Variants in NPHP4 observed in about 807,000 individuals in gnomAD.
The protein encoded by NPHP4 is nephrocystin 4.
NPHP4 carries 151 observed loss-of-function variants against 155.8 expected under a neutral mutation model. The ratio of observed to expected loss-of-function variants is 0.97; its 90% CI spans 0.85 to 1.11. The LOEUF is 1.11. NPHP4 is among the 50% of genes least tolerant of loss of function. The pLI, the probability that NPHP4 is intolerant of heterozygous loss-of-function variation, is 0.00. For missense variants in NPHP4, 1,956 were observed against 1,925.7 expected (o/e 1.02, Z -0.29); for synonymous variants, 845 against 816.8 (o/e 1.03, Z -0.59).
chr1:5,987,807 A>C (rs151022426), intron 1 of NPHP4, among the ~76,000 whole-genome samples: 1 of 152,346 alleles, frequency 6.6e-6, no homozygotes, highest in African/African-American at 2.4e-5. Flanking sequence ...AGAATGACTG[A>C]GAGACAAACA....
rs1007016642 is a variant in NPHP4, at chr1:5,874,585, G to A, written c.3117C>T (p.Asp1039=). The change falls in exon 22 of 30, where the codon GAC becomes GAT. Residue 1039 remains aspartate (D), a synonymous_variant. Coordinates refer to ENST00000378156, the MANE Select transcript of NPHP4 (RefSeq NM_015102.5). ...AAGLHTPVEE[D]MFHLRGSLAP... Reference sequence around the variant, plus strand: ...CCAGGCTGCCACGCAGGTGGAACATGTCCTCCTCCACCGGTGTGTGCAGGC... The same window carrying A: ...CCAGGCTGCCACGCAGGTGGAACATATCCTCCTCCACCGGTGTGTGCAGGC... 3 of 1,610,986 alleles carry A rather than the reference G, an allele frequency of 1.9e-6. No homozygotes were observed.
chr1:5,903,791 C>T (rs750496346), intron 16 of NPHP4, among the ~76,000 whole-genome samples: 4 of 152,138 alleles, frequency 2.6e-5, no homozygotes, highest in Non-Finnish European at 4.4e-5. Context: ...AGCTAACAAA[C>T]AAGGGAGGTG....
chr1:5,868,743 CCA>C (rs753296676), intron 23 of NPHP4, among the ~76,000 whole-genome samples: 3 of 99,744 alleles, frequency 3.0e-5, no homozygotes, highest in South Asian at 2.9e-4. Flanking sequence ...ATGCATGCAC[CCA>C]CACATGTACA....
intron 3 of NPHP4, 141 bp from the exon 4 acceptor site, chr1:5,969,400 C>T (rs1652151911): frequency 2.1e-6 from 1 of 472,052 alleles, no homozygotes; most frequent in Non-Finnish European, 3.7e-6. Context: ...ATGTGGTGTA[C>T]CACATCTCTG....
intron 11 of NPHP4, among the ~76,000 whole-genome samples, chr1:5,915,289 G>C (rs1645415410): frequency 6.6e-6 from 1 of 152,186 alleles, no homozygotes; most frequent in African/African-American, 2.4e-5. Flanking sequence ...AAAGGCAGGG[G>C]AAAGGAAGGA....
chr1:5,963,256 G>A (rs868625542), intron 5 of NPHP4, among the ~76,000 whole-genome samples: 18 of 152,108 alleles, frequency 1.2e-4, no homozygotes, highest in Middle Eastern at 3.2e-3. Context: ...TTACCCAGGC[G>A]TGGTGGTGCA....
chr1:5,925,098 A>C (rs1645928895), intron 11 of NPHP4, among the ~76,000 whole-genome samples: 2 of 152,348 alleles, frequency 1.3e-5, no homozygotes, highest in Non-Finnish European at 2.9e-5. Context: ...TTACTACTGT[A>C]CTTCTAAGTA....
At chr1:5,915,004 G>A (rs1645394489) in intron 11 of NPHP4, among the ~76,000 whole-genome samples, 1 of 152,222 alleles carries the variant, frequency 6.6e-6, no homozygotes, top group African/African-American at 2.4e-5. Flanking sequence ...GTCAGCAGAG[G>A]GCTGGATGAG....
At chr1:5,887,824 A>C (rs1014826684) in intron 17 of NPHP4, among the ~76,000 whole-genome samples, 2 of 152,240 alleles carry the variant, frequency 1.3e-5, no homozygotes, top group Non-Finnish European at 2.9e-5. Flanking sequence ...GAGGGCAGCC[A>C]AGCAACGCAA....
chr1:5,911,646 G>T (rs181770475), intron 11 of NPHP4, among the ~76,000 whole-genome samples: 1 of 152,172 alleles, frequency 6.6e-6, no homozygotes, highest in Non-Finnish European at 1.5e-5. Context: ...TACCTACAAG[G>T]CCATTTAAAA....
chr1:5,897,487 C>T (rs973991186), intron 16 of NPHP4, among the ~76,000 whole-genome samples: 3 of 152,174 alleles, frequency 2.0e-5, no homozygotes, highest in African/African-American at 7.2e-5. Context: ...AGTGTTCATG[C>T]TGAGATCCAG....
rs567222281 is a variant in NPHP4, at chr1:5,881,453, T to G, written c.2486-1214A>C. 13 of 152,270 alleles carry G rather than the reference T, an allele frequency of 8.5e-5. No individual in the cohort carries two copies. The East Asian group carries it at 1.2e-3, about 14-fold the overall frequency. 9.4% of individuals were successfully genotyped at this position (152,270 alleles called of 1,614,324 possible). Reference sequence around the variant, plus strand: ...TCTACCTGAGTTCAGCCCCTCTACATCCCAGGGAACAGCGCCTGGATTTTG... The same window carrying G: ...TCTACCTGAGTTCAGCCCCTCTACAGCCCAGGGAACAGCGCCTGGATTTTG... On this transcript the variant is annotated intron_variant, in intron 18 of 29. Coordinates refer to ENST00000378156, the MANE Select transcript of NPHP4 (RefSeq NM_015102.5).
intron 12 of NPHP4, 52 bp from the exon 13 acceptor site, chr1:5,907,274 C>A (rs1343180212): frequency 2.4e-6 from 3 of 1,228,560 alleles, no homozygotes; most frequent in South Asian, 2.9e-5. Context: ...CCAGTCCGTC[C>A]ACAAAGCTCC....
chr1:5,901,325 T>C (rs541710665), intron 16 of NPHP4, among the ~76,000 whole-genome samples: 26 of 152,358 alleles, frequency 1.7e-4, no homozygotes, highest in African/African-American at 6.0e-4. Flanking sequence ...CTGATGCAAC[T>C]ACCAAGGCCC....
intron 23 of NPHP4, among the ~76,000 whole-genome samples, chr1:5,871,805 G>T (rs1022902701): frequency 6.6e-6 from 1 of 152,194 alleles, no homozygotes; most frequent in Admixed American, 6.5e-5. Flanking sequence ...TGGTAGAAAG[G>T]CCCGTGGTTA....
rs980891508 is a variant in NPHP4, at chr1:5,905,679, C to T, written c.1716G>A (p.Pro572=). 8.7e-6 allele frequency: 14 copies of T among 1,613,810 alleles called. No homozygotes were observed. The highest frequency in any genetic ancestry group is 1.0e-5 in the Non-Finnish European group (12 of 1,179,876). ...CAATAGGGGCATGCAAAGGCGTGAACGGCAGCTCCTGTAACTGTTCGGCAA... is the reference window on the plus strand; with the variant it reads ...CAATAGGGGCATGCAAAGGCGTGAATGGCAGCTCCTGTAACTGTTCGGCAA... ...TSIAEQLQEL[P]FTPLHAPIVV... Residue 572 remains proline (P), a synonymous_variant, in exon 14 of 30, where the codon CCG becomes CCA. Transcript: ENST00000378156. The surrounding 1 kb of genome is among the most constrained non-coding windows in gnomAD (Gnocchi z 4.0).
chr1:5,869,012 C>T (rs1641662448), intron 23 of NPHP4, among the ~76,000 whole-genome samples: 1 of 91,730 alleles, frequency 1.1e-5, no homozygotes, highest in Non-Finnish European at 2.4e-5. Context: ...CGCACCCATA[C>T]ACACACACAT....
At chr1:5,983,873 G>C (rs916005560) in intron 2 of NPHP4, among the ~76,000 whole-genome samples, 2 of 152,082 alleles carry the variant, frequency 1.3e-5, no homozygotes, top group Non-Finnish European at 2.9e-5. Flanking sequence ...TATGTACATG[G>C]TTTATATTTT....
At chr1:5,954,533 A>G (rs1648812699) in intron 6 of NPHP4, among the ~76,000 whole-genome samples, 1 of 152,244 alleles carries the variant, frequency 6.6e-6, no homozygotes, top group South Asian at 2.1e-4. Context: ...GATTCCAGAA[A>G]TAAATTCATG....
Sources: gnomAD v4.1 joint callset for allele counts (sites outside exome capture counted in the v4.1 genomes callset) on GRCh38, gnomAD v4.1.1 for gene constraint, Gnocchi (gnomAD v3.1) non-coding constraint, MANE v1.5 for transcripts, NCBI Gene and HGNC (gene_info 2026-07-23, HGNC 2026-07-21) for gene names.